The following RCOR1 variants were observed in gnomAD, a reference collection of about 807,000 sequenced individuals.
RCOR1 encodes REST corepressor 1.
In RCOR1, 12 loss-of-function variants were observed where a neutral mutation model predicts 64.0. The ratio of observed to expected loss-of-function variants is 0.19; its 90% CI spans 0.12 to 0.30. The LOEUF (loss-of-function observed/expected upper bound fraction) is 0.30. Among genes scored for constraint, RCOR1 ranks in the 10% least tolerant of loss-of-function variants. The pLI is 1.00. For missense variants in RCOR1, 502 were observed against 621.2 expected (o/e 0.81, Z 2.04); for synonymous variants, 279 against 227.2 (o/e 1.23, Z -2.05).
chr14:102,607,324 G>T (rs1250657298), intron 2 of RCOR1, among the ~76,000 whole-genome samples: 1 of 152,194 alleles, frequency 6.6e-6, no homozygotes, highest in Non-Finnish European at 1.5e-5. Flanking sequence ...TTAAATTGCA[G>T]TTAAAAGCTG....
chr14:102,682,367 T>C (rs1364902069), intron 3 of RCOR1, among the ~76,000 whole-genome samples: 2 of 152,196 alleles, frequency 1.3e-5, no homozygotes, highest in Admixed American at 1.3e-4. Flanking sequence ...TGACTTCAGG[T>C]GATCCGCCTG....
At chr14:102,600,087 T>C (rs1893358035) in intron 2 of RCOR1, among the ~76,000 whole-genome samples, 1 of 152,000 alleles carries the variant, frequency 6.6e-6, no homozygotes, top group Admixed American at 6.6e-5. Flanking sequence ...ATTATTATTA[T>C]TATTTTTTTG....
At chr14:102,602,394 C>CTTTTTTT (rs66743592) in intron 2 of RCOR1, among the ~76,000 whole-genome samples, 4 of 104,234 alleles carry the variant, frequency 3.8e-5, no homozygotes, top group East Asian at 2.6e-4. Flanking sequence ...CTTTTCTTTT[C>CTTTTTTT]TTTTTTTTTT....
intron 4 of RCOR1, among the ~76,000 whole-genome samples, chr14:102,704,586 C>T (rs987496854): frequency 3.9e-5 from 6 of 152,204 alleles, no homozygotes; most frequent in Non-Finnish European, 8.8e-5. Flanking sequence ...TGCCTGCCAC[C>T]ATGCCCGGCT....
Position 102,703,322 on chromosome 14 carries a change from G to A in RCOR1, c.498+1992G>A, listed in dbSNP as rs907287755. 2.6e-5 allele frequency among the ~76,000 whole-genome samples: 4 copies of A among 152,158 alleles called. No homozygotes were observed. In the East Asian group the frequency reaches 5.8e-4, roughly 22 times the overall value. ...TGAAGAAATAATGGCCAAAAATTTC[G>A]CAAATTTGTTGAAAGATGTGAATAT... On this transcript the variant is annotated intron_variant, in intron 4 of 11. Transcript: ENST00000262241.
intron 4 of RCOR1, among the ~76,000 whole-genome samples, chr14:102,703,411 C>T (rs1425235090): frequency 6.6e-6 from 1 of 152,192 alleles, no homozygotes; most frequent in Admixed American, 6.5e-5. Context: ...CTCACCAGAG[C>T]ACATAATGAA....
intron 6 of RCOR1, among the ~76,000 whole-genome samples, chr14:102,708,870 T>C (rs1452154603): frequency 1.3e-5 from 2 of 152,230 alleles, no homozygotes; most frequent in Non-Finnish European, 2.9e-5. Flanking sequence ...TTTTATTTTG[T>C]AGTTTGAGGT....
In RCOR1 at chr14:102,593,076, GCCC is replaced by G; in HGVS notation, c.193_195del (p.Pro65del). ...GGCCGCCGCCGCCTCAGCCGCCGCC[GCCC>G]CCAATAATGGCCAGAATAAAAGTTT... On this transcript the variant is annotated inframe_deletion, in exon 1 of 12. Transcript: ENST00000262241. The G allele has an allele frequency of 7.0e-7, 1 of 1,428,818 alleles. No homozygotes were observed. Among genetic ancestry groups the G allele is most frequent in the Non-Finnish European group, 9.2e-7 (1 of 1,086,280 alleles). 88.5% of individuals were successfully genotyped at this position (1,428,818 alleles called of 1,614,324 possible). A position where few individuals can be genotyped will look rare whatever the true frequency, so the allele number is the denominator to read the frequency against.
In RCOR1 at chr14:102,606,594, C is replaced by T. The variant is rs534160158; in HGVS notation, c.361+13269C>T. On this transcript the variant is annotated intron_variant, in intron 2 of 11. Transcript: ENST00000262241. ...TGTCTGATTTCTTTGAGGGTGGTAG[C>T]GTAGTTTTTTGAACCACCAAATCAG... 5.3e-5 allele frequency among the ~76,000 whole-genome samples: 8 copies of T among 150,386 alleles called. No homozygotes were observed. In the South Asian group the frequency reaches 1.5e-3, roughly 28 times the overall value.
chr14:102,667,339 A>G (rs1894934314), intron 2 of RCOR1, among the ~76,000 whole-genome samples: 1 of 152,008 alleles, frequency 6.6e-6, no homozygotes, highest in African/African-American at 2.4e-5. Context: ...CATCTCTACT[A>G]AAAATATGAA....
chr14:102,613,215 C>T (rs1433662567), intron 2 of RCOR1, among the ~76,000 whole-genome samples: 2 of 151,898 alleles, frequency 1.3e-5, no homozygotes, highest in Admixed American at 1.3e-4. Flanking sequence ...AGTTCTTGTG[C>T]CTCAGCCTCC....
intron 2 of RCOR1, among the ~76,000 whole-genome samples, chr14:102,607,806 C>T (rs929660523): frequency 2.6e-5 from 4 of 151,998 alleles, no homozygotes; most frequent in African/African-American, 4.8e-5. Context: ...CGCTTGAACC[C>T]GGGAGGTGGA....
chr14:102,695,716 T>C (rs1367279323), intron 3 of RCOR1, among the ~76,000 whole-genome samples: 2 of 151,304 alleles, frequency 1.3e-5, no homozygotes, highest in African/African-American at 4.9e-5. Flanking sequence ...CTGCTATTTT[T>C]TTTTTTTTTT....
At chr14:102,650,637 C>T (rs1002912945) in intron 2 of RCOR1, among the ~76,000 whole-genome samples, 2 of 152,118 alleles carry the variant, frequency 1.3e-5, no homozygotes, top group Non-Finnish European at 2.9e-5. Flanking sequence ...CTTAATTTTC[C>T]TATTAAATGG....
At chr14:102,628,053 A>G (rs1027129235) in intron 2 of RCOR1, among the ~76,000 whole-genome samples, 1 of 152,096 alleles carries the variant, frequency 6.6e-6, no homozygotes, top group Non-Finnish European at 1.5e-5. Context: ...GAATCCCGAG[A>G]TAGCTGACAG....
At chr14:102,623,616 G>A (rs1396156251) in intron 2 of RCOR1, among the ~76,000 whole-genome samples, 1 of 151,424 alleles carries the variant, frequency 6.6e-6, no homozygotes, top group Non-Finnish European at 1.5e-5. Flanking sequence ...CGCCATGTTA[G>A]CCAGGATGGT....
intron 2 of RCOR1, among the ~76,000 whole-genome samples, chr14:102,677,281 G>A (rs1262306875): frequency 6.2e-5 from 7 of 113,732 alleles, no homozygotes; most frequent in South Asian, 5.7e-4. Context: ...CAGTCGGGGC[G>A]GCCGGGCAAA....
chr14:102,679,603 C>T (rs769734076), intron 2 of RCOR1, among the ~76,000 whole-genome samples: 3 of 152,048 alleles, frequency 2.0e-5, no homozygotes, highest in African/African-American at 7.2e-5. Flanking sequence ...CTCAGTCTCC[C>T]GAGTAGCTGG....
intron 2 of RCOR1, among the ~76,000 whole-genome samples, chr14:102,600,708 C>T (rs1227161488): frequency 6.6e-6 from 1 of 151,408 alleles, no homozygotes; most frequent in African/African-American, 2.4e-5. Flanking sequence ...GTAGCTGGGA[C>T]TACAGGTGCC....
Sources: gnomAD v4.1 joint callset for allele counts (sites outside exome capture counted in the v4.1 genomes callset) on GRCh38, gnomAD v4.1.1 for gene constraint, MANE v1.5 for transcripts, NCBI Gene and HGNC (gene_info 2026-07-23, HGNC 2026-07-21) for gene names.